TECPR1: variants seen among roughly 807,000 people sequenced by gnomAD.
TECPR1 encodes the protein tectonin beta-propeller repeat-containing protein 1.
In TECPR1, 122 loss-of-function variants were observed where a neutral mutation model predicts 162.4. The ratio of observed to expected loss-of-function variants is 0.75; its 90% CI spans 0.65 to 0.87. TECPR1 has a LOEUF of 0.87. TECPR1 is among the 40% of genes least tolerant of loss of function. TECPR1 has a pLI of 0.00. For missense variants in TECPR1, 1,432 were observed against 1,618.2 expected, an observed-to-expected ratio of 0.88 and a Z score of 1.97; for synonymous variants, 642 against 670.6, an observed-to-expected ratio of 0.96 and a Z score of 0.66.
rs1224939942 is a variant in TECPR1, at chr7:98,232,027, T to C, written c.1819-68A>G. ...GGGTGCCAGGGGAGGAGGGCGGGGC[T>C]GGGGGTGCCCAGAGGAGGAGGCAGG... is the stretch of plus-strand genomic sequence containing the variant. On this transcript the variant is annotated intron_variant, in intron 12 of 25. Transcript: ENST00000447648. The surrounding 1 kb of genome is among the most constrained non-coding windows in gnomAD (Gnocchi z 4.6). The C allele has an allele frequency of 8.6e-6, 13 of 1,513,260 alleles. No individual in the cohort carries two copies. In the East Asian group the frequency reaches 3.2e-4, roughly 37 times the overall value. 93.7% of individuals were successfully genotyped at this position (1,513,260 alleles called of 1,614,324 possible). A position where few individuals can be genotyped will look rare whatever the true frequency, so the allele number is the denominator to read the frequency against.
chr7:98,246,114 G>A lies in TECPR1; in HGVS notation c.33C>T (p.Leu11=). 1 of 1,552,934 alleles carries A rather than the reference G, an allele frequency of 6.4e-7. No homozygotes were observed. Among genetic ancestry groups the A allele is most frequent in the South Asian group, 1.2e-5 (1 of 84,236 alleles). The change falls in exon 3 of 26, where the codon CTC becomes CTT. Residue 11 remains leucine, a synonymous_variant. Coordinates refer to ENST00000447648, the MANE Select transcript of TECPR1 (RefSeq NM_015395.3). MPNSVLWAVD[L]FGRVYTLSTA... Reference sequence around the variant, plus strand: ...TGGACAGCGTGTACACTCTCCCGAAGAGGTCCACCGCCCACAGCACTGAGT... The same window carrying A: ...TGGACAGCGTGTACACTCTCCCGAAAAGGTCCACCGCCCACAGCACTGAGT...
At chr7:98,231,651 C>T in intron 13 of TECPR1, 153 bp downstream of exon 13, 1 of 804,928 alleles carries the variant, frequency 1.2e-6, no homozygotes, top group Non-Finnish European at 1.8e-6. Context: ...CATTTCTGTA[C>T]CCCTCCCCTG....
At chr7:98,240,806 C>T (rs1335204664) in intron 8 of TECPR1, 45 bp downstream of exon 8, 2 of 1,509,112 alleles carry the variant, frequency 1.3e-6, no homozygotes, top group South Asian at 2.4e-5. Context: ...CTGCAGTCTC[C>T]AACTCCTGGG....
At chr7:98,246,487 G>A (rs1382246715) in intron 2 of TECPR1, among the ~76,000 whole-genome samples, 2 of 151,984 alleles carry the variant, frequency 1.3e-5, no homozygotes, top group African/African-American at 2.4e-5. Flanking sequence ...GGCTGGTATC[G>A]ATCTCCTGAC....
chr7:98,233,771 G>A lies in TECPR1; in HGVS notation c.1322C>T (p.Thr441Ile), dbSNP rs760875925. The change falls in exon 11 of 26, where the codon ACA (threonine) becomes ATA (isoleucine). Residue 441 changes from threonine to isoleucine, a missense_variant. Coordinates refer to ENST00000447648, the MANE Select transcript of TECPR1 (RefSeq NM_015395.3). The stretch of plus-strand genomic sequence containing the variant: ...CCCCAGGCCTGAGGCTGAGTTCCCT[G>A]TGGCATTCTTGGAATCGTCTAGAGG... Reference protein sequence around the residue: ...AEPLDDSKNATGNSASGLGAG... With the variant: ...AEPLDDSKNAIGNSASGLGAG... The A allele has an allele frequency of 1.9e-6, 3 of 1,612,416 alleles. No individual in the cohort carries two copies. Among genetic ancestry groups the A allele is most frequent in the East Asian group, 4.5e-5 (2 of 44,878 alleles).
chr7:98,222,620 T>G, intron 21 of TECPR1, 99 bp from the exon 22 acceptor site: 4 of 1,419,764 alleles, frequency 2.8e-6, no homozygotes, highest in Non-Finnish European at 3.8e-6. Flanking sequence ...GTGGGCAGCA[T>G]AGGTGGCTGG....
intron 10 of TECPR1, among the ~76,000 whole-genome samples, chr7:98,235,849 A>AAACAAAAAAAACAAC (rs1554401446): frequency 2.7e-5 from 3 of 110,344 alleles, no homozygotes; most frequent in Non-Finnish European, 6.2e-5. Context: ...AAAAAAAAAA[A>AAACAAAAAAAACAAC]AACACCATCT....
intron 1 of TECPR1, chr7:98,251,818 C>T (rs1799069926): frequency 6.6e-6 from 1 of 152,290 alleles, no homozygotes; most frequent in South Asian, 2.1e-4. Flanking sequence ...AGGCCCCTTG[C>T]TGCGTGATTC....
intron 23 of TECPR1, among the ~76,000 whole-genome samples, chr7:98,219,773 T>C (rs1311552799): frequency 2.0e-5 from 3 of 151,496 alleles, no homozygotes; most frequent in African/African-American, 7.3e-5. Context: ...TGTTGGTGCA[T>C]GGCTGTAATC....
chr7:98,246,211 G>C (rs781363906), intron 2 of TECPR1, 46 bp from the exon 3 acceptor site: 83 of 1,242,210 alleles, frequency 6.7e-5, no homozygotes, highest in Non-Finnish European at 8.8e-5. Flanking sequence ...CCAGCCCAGG[G>C]GACATCAGAG....
At chr7:98,249,717 A>C (rs1467062356) in intron 2 of TECPR1, among the ~76,000 whole-genome samples, 1 of 152,198 alleles carries the variant, frequency 6.6e-6, no homozygotes, top group Admixed American at 6.6e-5. Context: ...TGGGAGGCCA[A>C]GGCGGGCAGA....
chr7:98,235,523 T>A (rs1434491448), intron 10 of TECPR1, among the ~76,000 whole-genome samples: 5 of 116,660 alleles, frequency 4.3e-5, no homozygotes, highest in Non-Finnish European at 5.1e-5. Context: ...AGACTCCGTC[T>A]AAAAAAAAAA....
intron 2 of TECPR1, 84 bp from the exon 3 acceptor site, chr7:98,246,249 G>A: frequency 9.2e-6 from 7 of 763,278 alleles, no homozygotes; most frequent in Non-Finnish European, 1.4e-5. Flanking sequence ...GACTTCTACT[G>A]TGACTATTTA....
intron 13 of TECPR1, 199 bp downstream of exon 13, chr7:98,231,605 C>T (rs1798441376): frequency 3.0e-6 from 2 of 673,542 alleles, no homozygotes; most frequent in African/African-American, 2.0e-5. Context: ...TCTCCTGGGG[C>T]ACCCCCATTT....
intron 23 of TECPR1, among the ~76,000 whole-genome samples, chr7:98,219,500 C>T (rs1467024856): frequency 1.3e-5 from 2 of 152,196 alleles, no homozygotes; most frequent in African/African-American, 4.8e-5. Flanking sequence ...ACAAAGGACT[C>T]ATAACCAGAA....
intron 20 of TECPR1, 102 bp downstream of exon 20, chr7:98,223,560 G>A: frequency 7.9e-7 from 1 of 1,264,110 alleles, no homozygotes; most frequent in South Asian, 1.3e-5. Flanking sequence ...ACTGAGGTCA[G>A]AGGCCAGGAG....
chr7:98,231,867 C>T lies in TECPR1; in HGVS notation c.1911G>A (p.Thr637=), dbSNP rs1406815092. 13 of 1,612,628 alleles carry T rather than the reference C, an allele frequency of 8.1e-6. No individual in the cohort carries two copies. The highest frequency in any genetic ancestry group is 4.0e-5 in the African/African-American group (3 of 74,890). ...TGCTGTCCCGGACGCCGTCGTGCCC[C>T]GTGAACTGCTCCAGGGCCAAGCGCA... ...VDVRLALEQF[T]GHDGVRDSIL... The change falls in exon 13 of 26, where the codon ACG becomes ACA. Residue 637 remains threonine (T), a synonymous_variant. Transcript: ENST00000447648.
rs369602942 is a variant in TECPR1, at chr7:98,229,020, G to A, written c.2410+19C>T. The A allele has an allele frequency of 1.7e-5, 27 of 1,598,068 alleles. No individual in the cohort carries two copies. Among genetic ancestry groups the A allele is most frequent in the East Asian group, 1.6e-4 (7 of 44,418 alleles). On this transcript the variant is annotated intron_variant, in intron 16 of 25. Coordinates refer to ENST00000447648, the MANE Select transcript of TECPR1 (RefSeq NM_015395.3). ...AGAACGCCCAGGAAGGCTCCGGGGGGGCTGTGGGCCGCCCTCACCTTGGAA... is the reference window on the plus strand; with the variant it reads ...AGAACGCCCAGGAAGGCTCCGGGGGAGCTGTGGGCCGCCCTCACCTTGGAA...
At chr7:98,248,350 C>A (rs367941635) in intron 2 of TECPR1, among the ~76,000 whole-genome samples, 19 of 151,860 alleles carry the variant, frequency 1.3e-4, no homozygotes, top group Non-Finnish European at 2.1e-4. Context: ...CAGATGAAGA[C>A]ATGGCCAGTC....
Sources: allele counts gnomAD v4.1 joint callset (sites outside exome capture counted in the v4.1 genomes callset), GRCh38; gene constraint gnomAD v4.1.1; non-coding constraint Gnocchi (gnomAD v3.1); transcripts MANE v1.5; gene names NCBI Gene and HGNC (gene_info 2026-07-23, HGNC 2026-07-21).